TGIF1: variants seen among roughly 807,000 people sequenced by gnomAD.
TGIF1 encodes the protein homeobox protein TGIF1.
TGIF1 carries 4 observed loss-of-function variants against 19.3 expected under a neutral mutation model. The observed-to-expected ratio is 0.21, with a 90% CI of 0.10 to 0.47. The LOEUF is 0.47. Among genes scored for constraint, TGIF1 ranks in the 20% least tolerant of loss-of-function variants. The pLI is 0.98. For missense variants in TGIF1, 275 were observed against 341.4 expected (o/e 0.81, Z 1.53); for synonymous variants, 122 against 129.3 (o/e 0.94, Z 0.38).
rs919012453 is a variant in TGIF1 at position 3,456,241 on chromosome 18, C to T, written c.17-113C>T. On this transcript the variant is annotated intron_variant, in intron 1 of 2. Coordinates refer to ENST00000343820, the MANE Select transcript of TGIF1 (RefSeq NM_003244.4). This position sits in a 1 kb window ranked among gnomAD's most constrained non-coding sequence, Gnocchi z 4.2. Reference sequence around the variant, plus strand: ...GACAGAAAACACTGCTCCTTCTCCTCGCTCTCAGTTGTTGGGAAAGCATGG... The same window carrying T: ...GACAGAAAACACTGCTCCTTCTCCTTGCTCTCAGTTGTTGGGAAAGCATGG... 62 of 1,037,418 alleles carry T rather than the reference C, an allele frequency of 6.0e-5. No individual in the cohort carries two copies. The highest frequency in any genetic ancestry group is 5.8e-4 in the Middle Eastern group (2 of 3,446). The allele number at this position is 1,037,418 out of a possible 1,614,324, so 64.3% of individuals were successfully genotyped here.
Position 3,456,135 on chromosome 18 carries a change from T to G in TGIF1, c.17-219T>G. The G allele has an allele frequency of 3.2e-6, 2 of 626,104 alleles. No homozygotes were observed. The highest frequency in any genetic ancestry group is 2.9e-6 in the Non-Finnish European group (1 of 350,204). 38.8% of individuals were successfully genotyped at this position (626,104 alleles called of 1,614,324 possible). A position where few individuals can be genotyped will look rare whatever the true frequency, so the allele number is the denominator to read the frequency against. On this transcript the variant is annotated intron_variant, in intron 1 of 2. Transcript: ENST00000343820. This position sits in a 1 kb window ranked among gnomAD's most constrained non-coding sequence, Gnocchi z 4.2. Reference sequence around the variant, plus strand: ...TTAATGAATCCTAGAGGAAAGCGGCTGAGAAAAGGCATCTGGCATTTGGTT... The same window carrying G: ...TTAATGAATCCTAGAGGAAAGCGGCGGAGAAAAGGCATCTGGCATTTGGTT...
At chr18:3,447,743 A>T, upstream of TGIF1, 1 of 1,614,092 alleles carries the variant, frequency 6.2e-7, no homozygotes, top group Non-Finnish European at 8.5e-7. Flanking sequence ...TTTGGATATG[A>T]CTTGCTCGGG....
chr18:3,422,191 A>T lies in TGIF1; in HGVS notation c.-45+3976A>T, dbSNP rs61591915. Among the ~76,000 whole-genome samples the T allele has an allele frequency of 4.1e-4, 3 of 7,334 alleles. No individual in the cohort carries two copies. The East Asian group carries it at 6.5e-3, about 16-fold the overall frequency. The allele number at this position is 7,334 out of a possible 152,430, so 4.8% of individuals were successfully genotyped here. A position where few individuals can be genotyped will look rare whatever the true frequency, so the allele number is the denominator to read the frequency against. On this transcript the variant is annotated intron_variant, in intron 2 of 3. Transcript: ENST00000401449. ...CCTGGGCGACAGAGTGAGACACCGT[A>T]AAAAAAAAAAAAAAAAAGACAGTGA...
chr18:3,450,156 C>T (rs925429445), upstream of TGIF1: 9 of 1,246,638 alleles, frequency 7.2e-6, no homozygotes, highest in Non-Finnish European at 8.1e-6. Flanking sequence ...CTGTACCTTC[C>T]CTCCTCGCCT....
chr18:3,452,511 C>CT, intron 1 of TGIF1: 4 of 1,387,870 alleles, frequency 2.9e-6, no homozygotes, highest in Non-Finnish European at 4.0e-6. Flanking sequence ...GGGCAGGCCT[C>CT]TGAGAAGGTG....
intron 1 of TGIF1, chr18:3,452,070 C>T (rs2082965335): frequency 3.1e-6 from 5 of 1,613,926 alleles, no homozygotes; most frequent in Non-Finnish European, 3.4e-6. Flanking sequence ...CTTTCCATGG[C>T]CCGCCTCCCA....
upstream of TGIF1, chr18:3,449,884 C>T: frequency 1.0e-6 from 1 of 985,698 alleles, no homozygotes; most frequent in South Asian, 4.7e-5. Flanking sequence ...GGAAGAAAGG[C>T]CCAAGGGAGA....
At chr18:3,422,535 A>G (rs952376775) in intron 2 of TGIF1, among the ~76,000 whole-genome samples, 7 of 151,818 alleles carry the variant, frequency 4.6e-5, no homozygotes, top group Admixed American at 4.6e-4. Flanking sequence ...CAAAGTGTAT[A>G]TCATTTATAA....
chr18:3,430,429 A>C (rs540818550), intron 2 of TGIF1, among the ~76,000 whole-genome samples: 1 of 152,326 alleles, frequency 6.6e-6, no homozygotes, highest in Non-Finnish European at 1.5e-5. Flanking sequence ...ACGTGTCATG[A>C]ATTTATATTA....
At position 3,456,976 on chromosome 18, in the gene TGIF1, A is replaced by G; in HGVS notation, c.244-389A>G. 1.8e-6 allele frequency: 1 copy of G among 567,984 alleles called. No individual in the cohort carries two copies. Among genetic ancestry groups the G allele is most frequent in the South Asian group, 2.2e-5 (1 of 44,516 alleles). 35.2% of individuals were successfully genotyped at this position (567,984 alleles called of 1,614,324 possible). ...GTTACTGGGAGGAGTGGCCCTTTTCATAAGGAGAGGTTTTCCTGTAGTTGA... is the reference window on the plus strand; with the variant it reads ...GTTACTGGGAGGAGTGGCCCTTTTCGTAAGGAGAGGTTTTCCTGTAGTTGA... On this transcript the variant is annotated intron_variant, in intron 2 of 2. Transcript: ENST00000343820. The surrounding 1 kb of genome is among the most constrained non-coding windows in gnomAD (Gnocchi z 4.2).
chr18:3,419,495 G>T (rs1255678497), intron 2 of TGIF1, among the ~76,000 whole-genome samples: 1 of 152,170 alleles, frequency 6.6e-6, no homozygotes, highest in African/African-American at 2.4e-5. Flanking sequence ...ATTTTTGTGT[G>T]TTTGTTGGTT....
intron 2 of TGIF1, among the ~76,000 whole-genome samples, chr18:3,422,402 G>C (rs36078352): frequency 6.6e-6 from 1 of 150,722 alleles, no homozygotes; most frequent in Non-Finnish European, 1.5e-5. Flanking sequence ...TTGTTTTTAG[G>C]CTTAGTGTTG....
At chr18:3,449,087 G>A, upstream of TGIF1, among the ~76,000 whole-genome samples, 1 of 152,156 alleles carries the variant, frequency 6.6e-6, no homozygotes, top group Non-Finnish European at 1.5e-5. Context: ...GTTTCTTCAA[G>A]TCAGCCAAAC....
upstream of TGIF1, chr18:3,449,578 C>G (rs1370795325): frequency 3.0e-5 from 28 of 924,598 alleles, no homozygotes; most frequent in Non-Finnish European, 3.6e-5. Flanking sequence ...ACTGTCGCTG[C>G]TGGAGGAAGA....
chr18:3,412,828 C>CA (rs2082287819), intron 1 of TGIF1: 4 of 152,026 alleles, frequency 2.6e-5, no homozygotes, highest in Non-Finnish European at 5.9e-5. Context: ...CAGGGCAACA[C>CA]AGGGAGACCC....
chr18:3,441,397 TG>T (rs2082676642), intron 2 of TGIF1, among the ~76,000 whole-genome samples: 1 of 152,228 alleles, frequency 6.6e-6, no homozygotes, highest in African/African-American at 2.4e-5. Context: ...CTTCTAGAAG[TG>T]TGTGTTTCAC....
intron 2 of TGIF1, among the ~76,000 whole-genome samples, chr18:3,438,628 C>CACACACACACACA (rs1555647865): frequency 1.3e-5 from 2 of 151,326 alleles, no homozygotes; most frequent in East Asian, 1.9e-4. Flanking sequence ...CACACACACA[C>CACACACACACACA]GAGAAGGAAA....
intron 2 of TGIF1, among the ~76,000 whole-genome samples, chr18:3,420,550 A>G (rs995754123): frequency 1.3e-5 from 2 of 152,236 alleles, no homozygotes; most frequent in African/African-American, 4.8e-5. Flanking sequence ...TACATTAATT[A>G]AAAGACAGAG....
intron 1 of TGIF1, among the ~76,000 whole-genome samples, chr18:3,454,090 G>C (rs1332929439): frequency 6.6e-6 from 1 of 152,172 alleles, no homozygotes; most frequent in Non-Finnish European, 1.5e-5. Context: ...TGTTACTTCA[G>C]CTTTTGTGCA....
Sources: gnomAD v4.1 joint callset for allele counts (sites outside exome capture counted in the v4.1 genomes callset) on GRCh38, gnomAD v4.1.1 for gene constraint, Gnocchi (gnomAD v3.1) non-coding constraint, MANE v1.5 for transcripts, NCBI Gene and HGNC (gene_info 2026-07-23, HGNC 2026-07-21) for gene names.